The following MECOM variants were observed in gnomAD, a reference collection of about 807,000 sequenced individuals.
MECOM encodes histone-lysine N-methyltransferase MECOM.
MECOM carries 13 observed loss-of-function variants against 116.3 expected under a neutral mutation model. The observed-to-expected ratio is 0.11, with a 90% confidence interval of 0.07 to 0.18. The LOEUF (loss-of-function observed/expected upper bound fraction) is 0.18. MECOM is among the 10% of genes least tolerant of loss of function. The pLI is 1.00. For missense variants in MECOM, 1,299 were observed against 1,509.0 expected (o/e 0.86, Z 2.31); for synonymous variants, 528 against 535.2 (o/e 0.99, Z 0.19).
At chr3:169,149,068 C>A (rs1489643333) in intron 2 of MECOM, among the ~76,000 whole-genome samples, 1 of 144,568 alleles carries the variant, frequency 6.9e-6, no homozygotes, top group African/African-American at 2.6e-5. Context: ...TGCCCATTGT[C>A]GGAGCTTTCT....
At position 169,170,403 on chromosome 3, in the gene MECOM, CAAAAAAAAA is replaced by C. The variant is rs71634426; in HGVS notation, c.376-26580_376-26572del. 1.7e-4 allele frequency among the ~76,000 whole-genome samples: 13 copies of C among 74,370 alleles called. No homozygotes were observed. In the East Asian group the frequency reaches 4.4e-3, roughly 25 times the overall value. The allele number at this position is 74,370 out of a possible 152,430, so 48.8% of individuals were successfully genotyped here. A position where few individuals can be genotyped will look rare whatever the true frequency, so the allele number is the denominator to read the frequency against. On this transcript the variant is annotated intron_variant, in intron 2 of 16. Coordinates refer to ENST00000651503, the MANE Select transcript of MECOM (RefSeq NM_004991.4). ...GCCCAGCGACAGAGCAAGACTCTGT[CAAAAAAAAA>C]AAAAAAAAAAAAAAAATCAAAGCTA...
intron 2 of MECOM, among the ~76,000 whole-genome samples, chr3:169,339,895 TG>T (rs1007443643): frequency 6.6e-6 from 1 of 152,114 alleles, no homozygotes; most frequent in South Asian, 2.1e-4. Flanking sequence ...ATATATGATG[TG>T]GGGGGAAGTG....
In MECOM at chr3:169,290,279, C is replaced by T. The variant is rs532587393; in HGVS notation, c.375+90908G>A. ...CACAGTAACTGGGGGAAAAAAACTA[C>T]AATCAAGGTTAATTTGTATGTTTAA... is the stretch of plus-strand genomic sequence containing the variant. On this transcript the variant is annotated intron_variant, in intron 2 of 16. Coordinates refer to ENST00000651503, the MANE Select transcript of MECOM (RefSeq NM_004991.4). Among the ~76,000 whole-genome samples the T allele has an allele frequency of 6.6e-5, 10 of 152,216 alleles. No individual in the cohort carries two copies. The South Asian group carries it at 1.0e-3, about 16-fold the overall frequency.
intron 1 of MECOM, among the ~76,000 whole-genome samples, chr3:169,465,526 G>T (rs768440037): frequency 3.0e-4 from 45 of 152,118 alleles, no homozygotes; most frequent in Non-Finnish European, 5.1e-4. Flanking sequence ...CCAACACTTT[G>T]CTTGTCTTAG....
intron 2 of MECOM, among the ~76,000 whole-genome samples, chr3:169,292,337 T>C (rs2675481): frequency 6.6e-6 from 1 of 151,954 alleles, no homozygotes; most frequent in Admixed American, 6.6e-5. Context: ...CATCTCAAAA[T>C]AAAATAAAAT....
At chr3:169,532,349 T>G (rs1758753902) in intron 1 of MECOM, among the ~76,000 whole-genome samples, 1 of 152,138 alleles carries the variant, frequency 6.6e-6, no homozygotes, top group South Asian at 2.1e-4. Flanking sequence ...ATGCAGACAT[T>G]GAAATAGAAA....
At chr3:169,200,611 T>TA (rs1749018410) in intron 2 of MECOM, among the ~76,000 whole-genome samples, 1 of 152,064 alleles carries the variant, frequency 6.6e-6, no homozygotes, top group Non-Finnish European at 1.5e-5. Context: ...AAAGCGATCT[T>TA]AGTTTGGAGT....
intron 16 of MECOM, among the ~76,000 whole-genome samples, chr3:169,086,112 T>G (rs9809168): frequency 0.1 from 15,881 of 152,118 alleles, 1,161 homozygotes; most frequent in South Asian, 0.28. Flanking sequence ...GTTAGAAAAT[T>G]TACCCTTGTA....
chr3:169,280,273 C>T (rs1377190280), intron 2 of MECOM, among the ~76,000 whole-genome samples: 1 of 152,154 alleles, frequency 6.6e-6, no homozygotes, highest in African/African-American at 2.4e-5. Context: ...AATATGATTA[C>T]CTTTAACAAT....
intron 2 of MECOM, chr3:169,145,968 C>T (rs2149303766): frequency 4.6e-6 from 1 of 218,020 alleles, no homozygotes; most frequent in East Asian, 6.9e-5. Context: ...TCTCCAGAAA[C>T]GTTTGCCCCC....
intron 2 of MECOM, among the ~76,000 whole-genome samples, chr3:169,364,467 G>T (rs1228786618): frequency 1.3e-5 from 2 of 151,906 alleles, no homozygotes; most frequent in Non-Finnish European, 2.9e-5. Context: ...TATAGACATA[G>T]GTTGATTATC....
At chr3:169,108,824 C>G (rs1416748421) in intron 9 of MECOM, among the ~76,000 whole-genome samples, 1 of 152,024 alleles carries the variant, frequency 6.6e-6, no homozygotes, top group Non-Finnish European at 1.5e-5. Context: ...ACTGTCTCCT[C>G]AGTTCCTTGG....
chr3:169,383,541 C>T (rs1557623), intron 1 of MECOM, among the ~76,000 whole-genome samples: 1 of 152,128 alleles, frequency 6.6e-6, no homozygotes, highest in African/African-American at 2.4e-5. Context: ...AAGATTCTAA[C>T]CTTCATCCAA....
chr3:169,336,853 T>G (rs1220572153), intron 2 of MECOM, among the ~76,000 whole-genome samples: 1 of 152,128 alleles, frequency 6.6e-6, no homozygotes, highest in African/African-American at 2.4e-5. Context: ...GATACTACCT[T>G]TATGTAAAAA....
At chr3:169,544,311 A>T (rs11715899) in intron 1 of MECOM, among the ~76,000 whole-genome samples, 31,792 of 152,168 alleles carry the variant, frequency 0.21, 4,390 homozygotes, top group East Asian at 0.68. Flanking sequence ...CATCAAAGTG[A>T]CAAGTAACTG....
At chr3:169,458,498 T>C (rs1253378447) in intron 1 of MECOM, among the ~76,000 whole-genome samples, 3 of 152,226 alleles carry the variant, frequency 2.0e-5, no homozygotes, top group Non-Finnish European at 4.4e-5. Flanking sequence ...CCTGGGGGCC[T>C]TGGAGCCTGA....
intron 2 of MECOM, among the ~76,000 whole-genome samples, chr3:169,231,420 A>C (rs1330932533): frequency 3.3e-5 from 5 of 152,152 alleles, no homozygotes; most frequent in Non-Finnish European, 7.4e-5. Context: ...CATCATAACA[A>C]GTAAATGTAA....
intron 16 of MECOM, 88 bp downstream of exon 16, chr3:169,088,912 G>C: frequency 8.7e-7 from 1 of 1,148,504 alleles, no homozygotes. Context: ...ATATTTCAAA[G>C]ATAGAATATT....
intron 1 of MECOM, among the ~76,000 whole-genome samples, chr3:169,549,403 A>G (rs1038371703): frequency 1.4e-5 from 2 of 140,902 alleles, no homozygotes; most frequent in African/African-American, 5.0e-5. Context: ...CTGTAAGTAA[A>G]GAAAAAAAAA....
Sources: allele counts gnomAD v4.1 joint callset (sites outside exome capture counted in the v4.1 genomes callset), GRCh38; gene constraint gnomAD v4.1.1; transcripts MANE v1.5; gene names NCBI Gene and HGNC (gene_info 2026-07-23, HGNC 2026-07-21).